The following MBTPS1 variants were observed in gnomAD, a reference collection of about 807,000 sequenced individuals.
MBTPS1 encodes the protein membrane bound transcription factor peptidase, site 1, also known as membrane-bound transcription factor site-1 protease.
In MBTPS1, 94 loss-of-function variants were observed where a neutral mutation model predicts 127.8. The ratio of observed to expected loss-of-function variants is 0.74; its 90% confidence interval spans 0.62 to 0.87. The LOEUF (loss-of-function observed/expected upper bound fraction) is 0.87. Ranked by LOEUF, MBTPS1 falls within the 40% of genes least tolerant of loss-of-function variation. The probability of loss-of-function intolerance (pLI) is 0.00; values close to 1 mark genes in which losing one functional copy is unlikely to be tolerated. For synonymous variants in MBTPS1, 632 were observed against 509.4 expected, an observed-to-expected ratio of 1.24 and a Z score of -3.24; for missense variants, 1,636 against 1,353.2, an observed-to-expected ratio of 1.21 and a Z score of -3.28.
intron 10 of MBTPS1, among the ~76,000 whole-genome samples, chr16:84,082,494 T>C (rs1417618799): frequency 6.6e-6 from 1 of 152,202 alleles, no homozygotes; most frequent in Non-Finnish European, 1.5e-5. Flanking sequence ...ACCATGAGAA[T>C]GCATCTGAAC....
At chr16:84,114,176 T>C (rs1002578123) in intron 1 of MBTPS1, among the ~76,000 whole-genome samples, 2 of 151,944 alleles carry the variant, frequency 1.3e-5, no homozygotes, top group African/African-American at 4.8e-5. Context: ...TTAGCCAGGA[T>C]GGTCTCAATC....
At chr16:84,109,438 A>G (rs1269802747) in intron 1 of MBTPS1, 1 of 152,240 alleles carries the variant, frequency 6.6e-6, no homozygotes, top group Non-Finnish European at 1.5e-5. Flanking sequence ...CTCTTTTCAA[A>G]GGGAAAAGTC....
In MBTPS1 at chr16:84,090,929, G is replaced by A. The variant is rs753845938; in HGVS notation, c.977C>T (p.Thr326Ile). The stretch of plus-strand genomic sequence containing the variant: ...AGAAACCATGATTACATTGTTAGCT[G>A]TTAATTCCCACACCTACAAAAGGAG... ...HPFVDKVWELTANNVIMVSAI... is the reference protein window; with the variant it reads ...HPFVDKVWELIANNVIMVSAI... The change falls in exon 8 of 23, where the codon ACA becomes ATA. Residue 326 changes from threonine to isoleucine, a missense_variant. By Grantham distance (89) the Thr-to-Ile change is moderately conservative. Transcript: ENST00000343411. The A allele has an allele frequency of 6.2e-7, 1 of 1,606,758 alleles. No homozygotes were observed. The highest frequency in any genetic ancestry group is 1.1e-5 in the South Asian group (1 of 90,826).
chr16:84,113,883 T>C (rs2086432083), intron 1 of MBTPS1, among the ~76,000 whole-genome samples: 2 of 152,070 alleles, frequency 1.3e-5, no homozygotes, highest in South Asian at 4.2e-4. Context: ...TACTTGGCTA[T>C]ATTACCATTG....
chr16:84,111,814 G>A (rs2086401705), intron 1 of MBTPS1, among the ~76,000 whole-genome samples: 1 of 151,596 alleles, frequency 6.6e-6, no homozygotes, highest in African/African-American at 2.4e-5. Flanking sequence ...GAAATATGGG[G>A]AAATGCTAAT....
In MBTPS1 at chr16:84,101,821, C is replaced by T. The variant is rs770668119; in HGVS notation, c.-38G>A. On this transcript the variant is annotated 5_prime_UTR_variant, in exon 2 of 23. Coordinates refer to ENST00000343411, the MANE Select transcript of MBTPS1 (RefSeq NM_003791.4). ...ATATGATCATAAAATTGCATATATT[C>T]AAATCACACTTTTTTCTTCTTGATT... is the stretch of plus-strand genomic sequence containing the variant. 5.1e-6 allele frequency: 8 copies of T among 1,569,692 alleles called. No individual in the cohort carries two copies. The South Asian group carries it at 9.3e-5, about 18-fold the overall frequency.
rs1195293602 is a variant in MBTPS1, at chr16:84,063,437, C to T, written c.2440G>A (p.Val814Ile). 9.9e-6 allele frequency: 16 copies of T among 1,613,854 alleles called. No homozygotes were observed. Among genetic ancestry groups the T allele is most frequent in the Non-Finnish European group, 1.4e-5 (16 of 1,179,738 alleles). ...ACAACTGCTGTTTCCTGCTTTAAAA[C>T]CTCCAATCCTGAAACAACACAACAA... ...TQTFKDQGLE[V>I]LKQETAVVEN... Residue 814 changes from valine to isoleucine, a missense_variant, in exon 19 of 23, where the codon GTT becomes ATT. Coordinates refer to ENST00000343411, the MANE Select transcript of MBTPS1 (RefSeq NM_003791.4).
At chr16:84,065,817 T>C (rs746963033) in intron 17 of MBTPS1, 50 bp from the exon 18 acceptor site, 2 of 1,057,616 alleles carry the variant, frequency 1.9e-6, no homozygotes, top group Non-Finnish European at 2.8e-6. Flanking sequence ...CCGAACACTT[T>C]AATAAATAAT....
intron 6 of MBTPS1, 95 bp from the exon 7 acceptor site, chr16:84,091,943 T>C (rs2086116082): frequency 2.7e-6 from 2 of 746,604 alleles, no homozygotes; most frequent in East Asian, 2.5e-5. Flanking sequence ...AAATTACAAG[T>C]AGTTCTCTTA....
chr16:84,085,031 G>A lies in MBTPS1; in HGVS notation c.1238C>T (p.Thr413Ile), dbSNP rs141686628. Residue 413 changes from threonine to isoleucine, a missense_variant, in exon 10 of 23, where the codon ACC (threonine) becomes ATC (isoleucine). Transcript: ENST00000343411. ...TGCAACCACTGGAGAAGCAACACTG[G>A]TCCCTGAGAGGGCCCGGCACCCCCC... ...VKGGCRALSG[T>I]SVASPVVAGA... The A allele has an allele frequency of 6.2e-7, 1 of 1,614,180 alleles. No homozygotes were observed.
At chr16:84,097,096 A>G (rs2086188052) in intron 3 of MBTPS1, among the ~76,000 whole-genome samples, 1 of 152,210 alleles carries the variant, frequency 6.6e-6, no homozygotes, top group Admixed American at 6.5e-5. Flanking sequence ...GTATCTTCAA[A>G]TATCAAAAAG....
intron 14 of MBTPS1, among the ~76,000 whole-genome samples, chr16:84,069,047 C>T (rs948529159): frequency 1.6e-4 from 24 of 152,210 alleles, no homozygotes; most frequent in African/African-American, 5.8e-4. Flanking sequence ...CTATGAACTT[C>T]CCACCACTTC....
Position 84,099,039 on chromosome 16 carries a change from G to A in MBTPS1, c.421+14C>T. The A allele has an allele frequency of 6.2e-7, 1 of 1,611,954 alleles. No homozygotes were observed. Among genetic ancestry groups the A allele is most frequent in the East Asian group, 2.2e-5 (1 of 44,852 alleles). ...AACAGCAGAGAGAAATTTGCCTACA[G>A]TCACAATACTCACATTCAGCATACT... is the stretch of plus-strand genomic sequence containing the variant. On this transcript the variant is annotated intron_variant, in intron 3 of 22. Coordinates refer to ENST00000343411, the MANE Select transcript of MBTPS1 (RefSeq NM_003791.4).
intron 16 of MBTPS1, 32 bp downstream of exon 16, chr16:84,067,635 C>CACATT (rs3835163): frequency 6.5e-7 from 1 of 1,547,966 alleles, no homozygotes; most frequent in Non-Finnish European, 8.9e-7. Context: ...CCCCAAAAGT[C>CACATT]TTATCCAAAT....
At chr16:84,108,014 A>T (rs1333837857) in intron 1 of MBTPS1, among the ~76,000 whole-genome samples, 1 of 151,318 alleles carries the variant, frequency 6.6e-6, no homozygotes, top group Non-Finnish European at 1.5e-5. Flanking sequence ...CCTGGGCCTA[A>T]AGAGATCTTG....
chr16:84,074,157 C>T (rs973579247), intron 12 of MBTPS1, among the ~76,000 whole-genome samples: 2 of 152,058 alleles, frequency 1.3e-5, no homozygotes, highest in Admixed American at 6.6e-5. Context: ...TAATTTATAC[C>T]CTGACTTATT....
At chr16:84,083,566 C>T (rs1465299394) in intron 10 of MBTPS1, among the ~76,000 whole-genome samples, 1 of 152,024 alleles carries the variant, frequency 6.6e-6, no homozygotes, top group African/African-American at 2.4e-5. Context: ...GCTGGGATTA[C>T]AGGTGTGAGC....
intron 21 of MBTPS1, chr16:84,056,358 T>C (rs1403740148): frequency 4.2e-6 from 2 of 474,058 alleles, no homozygotes; most frequent in Non-Finnish European, 7.6e-6. Flanking sequence ...GTTCATGAGA[T>C]TCTACTGAGT....
At chr16:84,107,764 G>A (rs1319270098) in intron 1 of MBTPS1, among the ~76,000 whole-genome samples, 1 of 151,108 alleles carries the variant, frequency 6.6e-6, no homozygotes, top group Non-Finnish European at 1.5e-5. Context: ...GAGGACAGTG[G>A]CACAATCATG....
Sources: allele counts gnomAD v4.1 joint callset (sites outside exome capture counted in the v4.1 genomes callset), GRCh38; gene constraint gnomAD v4.1.1; transcripts MANE v1.5; gene names NCBI Gene and HGNC (gene_info 2026-07-23, HGNC 2026-07-21).